Variants in FAM114A1 observed in about 807,000 individuals in gnomAD.
The protein encoded by FAM114A1 is family with sequence similarity 114 member A1.
In FAM114A1, 62 loss-of-function variants were observed where a neutral mutation model predicts 64.3. The observed-to-expected ratio is 0.96, with a 90% CI of 0.79 to 1.19. The LOEUF (loss-of-function observed/expected upper bound fraction) is 1.19, where lower values mean the gene tolerates loss of function less well. Ranked by LOEUF, FAM114A1 falls within the 50% of genes most tolerant of loss-of-function variation. The pLI is 0.00. For missense variants in FAM114A1, 645 were observed against 676.3 expected (o/e 0.95, Z 0.51); for synonymous variants, 254 against 251.1 (o/e 1.01, Z -0.11).
At position 38,927,811 on chromosome 4, in the gene FAM114A1, G is replaced by C. The variant is rs111737449; in HGVS notation, c.1070-1431G>C. ...TGATTCTCCTGCCTCAGCCTCCCAA[G>C]TAGCTGGGATTACAGGCGCCCGCCT... On this transcript the variant is annotated intron_variant, in intron 9 of 14. Transcript: ENST00000358869. 6.6e-3 allele frequency among the ~76,000 whole-genome samples: 1,005 copies of C among 152,250 alleles called. 17 individuals are homozygous for C. The highest frequency in any genetic ancestry group is 0.023 in the African/African-American group (950 of 41,548).
intron 13 of FAM114A1, among the ~76,000 whole-genome samples, chr4:38,936,840 G>C (rs1386950348): frequency 6.6e-6 from 1 of 152,162 alleles, no homozygotes; most frequent in Non-Finnish European, 1.5e-5. Flanking sequence ...ATGAGCCACC[G>C]CGCCTGGCAG....
At chr4:38,916,590 C>T (rs1451551982) in intron 8 of FAM114A1, among the ~76,000 whole-genome samples, 3 of 152,066 alleles carry the variant, frequency 2.0e-5, no homozygotes, top group East Asian at 1.9e-4. Flanking sequence ...TGTTCTTACT[C>T]ATAAGTGAAG....
chr4:38,905,894 G>A (rs371122372), intron 6 of FAM114A1, 33 bp downstream of exon 6: 8 of 1,570,224 alleles, frequency 5.1e-6, no homozygotes, highest in East Asian at 2.2e-5. Context: ...TCTTTCCCCT[G>A]TATTTCCCAG....
intron 6 of FAM114A1, among the ~76,000 whole-genome samples, chr4:38,906,682 C>T (rs1173272839): frequency 6.6e-6 from 1 of 151,922 alleles, no homozygotes; most frequent in East Asian, 1.9e-4. Flanking sequence ...TTACAGGTGC[C>T]CACCACCACA....
Position 38,878,370 on chromosome 4 carries a change from G to T in FAM114A1, c.292G>T (p.Val98Phe), listed in dbSNP as rs891250063. 6.2e-7 allele frequency: 1 copy of T among 1,612,950 alleles called. No homozygotes were observed. Among genetic ancestry groups the T allele is most frequent in the Admixed American group, 1.7e-5 (1 of 59,860 alleles). Residue 98 changes from valine to phenylalanine, a missense_variant, in exon 3 of 15, where the codon GTC becomes TTC. Physicochemically the swap from Val to Phe is conservative, Grantham distance 50. Transcript: ENST00000358869. The part of the protein sequence containing the change: ...EDTLAECIDS[V>F]SLEAEPRSEI... The stretch of plus-strand genomic sequence containing the variant: ...TACACTTGCTGAATGTATTGATTCC[G>T]TCAGCCTTGAGGCAGAACCCAGATC...
At chr4:38,901,738 G>A (rs1717545272) in intron 4 of FAM114A1, among the ~76,000 whole-genome samples, 1 of 152,216 alleles carries the variant, frequency 6.6e-6, no homozygotes, top group Non-Finnish European at 1.5e-5. Flanking sequence ...TAAGATCACA[G>A]TGCTTTGCGG....
At chr4:38,869,994 G>A (rs1713867456) in intron 2 of FAM114A1, among the ~76,000 whole-genome samples, 1 of 152,178 alleles carries the variant, frequency 6.6e-6, no homozygotes, top group African/African-American at 2.4e-5. Context: ...CCTGCAGGTG[G>A]AGTTTGGAAA....
intron 2 of FAM114A1, 80 bp from the exon 3 acceptor site, chr4:38,877,991 C>G: frequency 6.4e-6 from 8 of 1,240,974 alleles, no homozygotes; most frequent in Non-Finnish European, 8.8e-6. Flanking sequence ...TTTTCCCCTA[C>G]CAGATTTATT....
At chr4:38,912,735 C>A (rs562112103) in intron 7 of FAM114A1, among the ~76,000 whole-genome samples, 1 of 152,290 alleles carries the variant, frequency 6.6e-6, no homozygotes, top group African/African-American at 2.4e-5. Context: ...CTTTCCCTTT[C>A]TCTTCAATTT....
At chr4:38,875,270 G>T (rs367576020) in intron 2 of FAM114A1, among the ~76,000 whole-genome samples, 1 of 152,054 alleles carries the variant, frequency 6.6e-6, no homozygotes, top group African/African-American at 2.4e-5. Context: ...TGGGTAGTAT[G>T]GCCATTTTAA....
chr4:38,886,451 G>A (rs373793365), intron 3 of FAM114A1, among the ~76,000 whole-genome samples: 5 of 151,722 alleles, frequency 3.3e-5, no homozygotes, highest in African/African-American at 1.2e-4. Context: ...GTTTACAGGT[G>A]TGAGCTATGG....
At chr4:38,884,335 T>C (rs1715587013) in intron 3 of FAM114A1, among the ~76,000 whole-genome samples, 1 of 152,212 alleles carries the variant, frequency 6.6e-6, no homozygotes. Flanking sequence ...GAAGATACTT[T>C]GTGGACAGTT....
chr4:38,883,838 C>T (rs1403819879), intron 3 of FAM114A1, among the ~76,000 whole-genome samples: 4 of 152,294 alleles, frequency 2.6e-5, no homozygotes, highest in Middle Eastern at 3.4e-3. Context: ...GTTCCCTGAA[C>T]GGTGACACCC....
At chr4:38,876,957 C>T (rs1289009292) in intron 2 of FAM114A1, among the ~76,000 whole-genome samples, 1 of 152,192 alleles carries the variant, frequency 6.6e-6, no homozygotes, top group Non-Finnish European at 1.5e-5. Flanking sequence ...GATAAGGACA[C>T]TTGTGATTAC....
At chr4:38,926,527 T>C (rs947723295) in intron 9 of FAM114A1, among the ~76,000 whole-genome samples, 38 of 151,362 alleles carry the variant, frequency 2.5e-4, no homozygotes, top group Admixed American at 4.6e-4. Flanking sequence ...CAATCTCAGC[T>C]CACTTCAACC....
chr4:38,874,631 T>A (rs529809020), intron 2 of FAM114A1, among the ~76,000 whole-genome samples: 5 of 152,226 alleles, frequency 3.3e-5, no homozygotes, highest in Admixed American at 3.3e-4. Flanking sequence ...TTTATTCTGT[T>A]GGTAGTTTCT....
chr4:38,924,829 C>A (rs1219974631), intron 9 of FAM114A1, among the ~76,000 whole-genome samples: 1 of 152,102 alleles, frequency 6.6e-6, no homozygotes, highest in East Asian at 1.9e-4. Flanking sequence ...CTAGCAATCA[C>A]CAAAAAGAAT....
chr4:38,929,151 A>T (rs1299810239), intron 9 of FAM114A1, 91 bp from the exon 10 acceptor site: 1 of 988,438 alleles, frequency 1.0e-6, no homozygotes, highest in African/African-American at 1.6e-5. Context: ...CACTTAGTCT[A>T]CCCCAGCTGC....
chr4:38,905,616 T>C lies in FAM114A1; in HGVS notation c.531T>C (p.Thr177=). Reference sequence around the variant, plus strand: ...CTTCTGAAGGAGCCCAACCAAATACTGAAAACGGAGTCCCTGAAAGTGAGT... The same window carrying C: ...CTTCTGAAGGAGCCCAACCAAATACCGAAAACGGAGTCCCTGAAAGTGAGT... The part of the protein sequence containing the change: ...SGSSEGAQPN[T]ENGVPEITDA... Residue 177 remains threonine, a synonymous_variant, in exon 5 of 15, where the codon ACT becomes ACC. Transcript: ENST00000358869. 1 of 1,614,172 alleles carries C rather than the reference T, an allele frequency of 6.2e-7. No homozygotes were observed. Among genetic ancestry groups the C allele is most frequent in the Non-Finnish European group, 8.5e-7 (1 of 1,179,998 alleles).
Sources: gnomAD v4.1 joint callset for allele counts (sites outside exome capture counted in the v4.1 genomes callset) on GRCh38, gnomAD v4.1.1 for gene constraint, MANE v1.5 for transcripts, NCBI Gene and HGNC (gene_info 2026-07-23, HGNC 2026-07-21) for gene names.